Variants in ABRAXAS1 observed in about 807,000 individuals in gnomAD.
The protein encoded by ABRAXAS1 is abraxas 1, BRCA1 A complex subunit.
Under a neutral mutation model 38.4 loss-of-function variants are expected in ABRAXAS1, and 26 were observed. The ratio of observed to expected loss-of-function variants is 0.68; its 90% confidence interval spans 0.50 to 0.94. The LOEUF is 0.94. Ranked by LOEUF, ABRAXAS1 falls within the 40% of genes least tolerant of loss-of-function variation. The pLI is 0.00. For synonymous variants in ABRAXAS1, 144 were observed against 165.5 expected (o/e 0.87, Z 1.00); for missense variants, 438 against 481.9 (o/e 0.91, Z 0.85).
Position 83,461,052 on chromosome 4 carries a change from C to A in ABRAXAS1, c.*1417G>T, listed in dbSNP as rs749242864. On this transcript the variant is annotated 3_prime_UTR_variant, in exon 9 of 9. Transcript: ENST00000321945. ...TAATGGGTAAGAAAGAATACCTCAA[C>A]AACTGAATTGAGCTAGCTGAAATTT... The A allele has an allele frequency of 2.5e-5, 40 of 1,611,860 alleles. No homozygotes were observed. Among genetic ancestry groups the A allele is most frequent in the Non-Finnish European group, 3.3e-5 (39 of 1,178,438 alleles).
intron 7 of ABRAXAS1, 184 bp from the exon 8 acceptor site, chr4:83,463,792 C>T (rs990068778): frequency 2.6e-6 from 1 of 378,414 alleles, no homozygotes; most frequent in Non-Finnish European, 4.7e-6. Context: ...TATAAATAAG[C>T]CTTATAGGTT....
At chr4:83,475,866 A>G (rs1310772018) in intron 3 of ABRAXAS1, among the ~76,000 whole-genome samples, 1 of 152,204 alleles carries the variant, frequency 6.6e-6, no homozygotes, top group African/African-American at 2.4e-5. Context: ...TGTAGGACTA[A>G]GTGCAAGCAT....
Position 83,462,761 on chromosome 4 carries a change from TAGTTAC to T in ABRAXAS1, c.932_937del (p.Cys311_Asn312del), listed in dbSNP as rs1722179235. On this transcript the variant is annotated inframe_deletion, in exon 9 of 9. Coordinates refer to ENST00000321945, the MANE Select transcript of ABRAXAS1 (RefSeq NM_139076.3). ...GTCTACTACATCGAGATGGTGGTTG[TAGTTAC>T]AGCTACTTTTAGAAACATGTCTATT... The T allele has an allele frequency of 1.2e-6, 2 of 1,614,000 alleles. No homozygotes were observed. Among genetic ancestry groups the T allele is most frequent in the Non-Finnish European group, 1.7e-6 (2 of 1,179,982 alleles).
Position 83,460,932 on chromosome 4 carries a change from A to G in ABRAXAS1, c.*1537T>C. 1 of 1,561,418 alleles carries G rather than the reference A, an allele frequency of 6.4e-7. No individual in the cohort carries two copies. Among genetic ancestry groups the G allele is most frequent in the South Asian group, 1.2e-5 (1 of 84,556 alleles). ...AAAAAAAAAATTGCAAACTTTAAAT[A>G]TTGACATTTTTTATGAATAAGAAAG... On this transcript the variant is annotated 3_prime_UTR_variant, in exon 9 of 9. Transcript: ENST00000321945.
In ABRAXAS1 at chr4:83,460,534, T is replaced by C. The variant is rs569819099; in HGVS notation, c.*1935A>G. On this transcript the variant is annotated 3_prime_UTR_variant, in exon 9 of 9. Transcript: ENST00000321945. ...CAACAGCAGAGTTGAGTGGCAGTGA[T>C]GGAGACTGTATGGCCCACAAAACCT... is the stretch of plus-strand genomic sequence containing the variant. 4 of 183,238 alleles carry C rather than the reference T, an allele frequency of 2.2e-5. No homozygotes were observed. The South Asian group carries it at 4.5e-4, about 21-fold the overall frequency. 11.4% of individuals were successfully genotyped at this position (183,238 alleles called of 1,614,324 possible). A position where few individuals can be genotyped will look rare whatever the true frequency, so the allele number is the denominator to read the frequency against.
rs869128932 is a variant in ABRAXAS1, at chr4:83,471,191, CTTTTTTTTTTTTTT to C, written c.283-809_283-796del. Among the ~76,000 whole-genome samples, 136 of 58,198 alleles carry C rather than the reference CTTTTTTTTTTTTTT, an allele frequency of 2.3e-3. 1 individual carries two copies. The highest frequency in any genetic ancestry group is 0.022 in the Middle Eastern group (2 of 92). The allele number at this position is 58,198 out of a possible 152,430, so 38.2% of individuals were successfully genotyped here. ...CAAACATATTTGTTGAAAGAAACATCTTTTTTTTTTTTTTTTTTTTTTTTTTTTTTTTGAGACAG... is the reference window on the plus strand; with the variant it reads ...CAAACATATTTGTTGAAAGAAACATCTTTTTTTTTTTTTTTTTTGAGACAG... On this transcript the variant is annotated intron_variant, in intron 4 of 8. Transcript: ENST00000321945.
In ABRAXAS1 at chr4:83,463,477, AT is replaced by A. The variant is rs1560571274; in HGVS notation, c.796+16del. ...AAAATTTTTAGCACAGAAAGTAGAGATGTGTTGTTTACTTACTTGCTGCCTG... is the reference window on the plus strand; with the variant it reads ...AAAATTTTTAGCACAGAAAGTAGAGAGTGTTGTTTACTTACTTGCTGCCTG... On this transcript the variant is annotated intron_variant, in intron 8 of 8. Coordinates refer to ENST00000321945, the MANE Select transcript of ABRAXAS1 (RefSeq NM_139076.3). 2 of 1,494,010 alleles carry A rather than the reference AT, an allele frequency of 1.3e-6. No individual in the cohort carries two copies. Among genetic ancestry groups the A allele is most frequent in the Non-Finnish European group, 9.2e-7 (1 of 1,087,852 alleles). The allele number at this position is 1,494,010 out of a possible 1,614,324, so 92.5% of individuals were successfully genotyped here.
intron 4 of ABRAXAS1, among the ~76,000 whole-genome samples, chr4:83,471,985 GAT>G (rs1722605968): frequency 6.6e-6 from 1 of 152,144 alleles, no homozygotes; most frequent in African/African-American, 2.4e-5. Context: ...AAGAGAAAGA[GAT>G]AAATGTTAAT....
intron 4 of ABRAXAS1, among the ~76,000 whole-genome samples, chr4:83,470,788 C>T (rs1217490191): frequency 2.0e-5 from 3 of 152,142 alleles, no homozygotes; most frequent in Admixed American, 1.3e-4. Flanking sequence ...CCTGTATGGA[C>T]ACTTGGTTTG....
chr4:83,469,189 A>C, intron 5 of ABRAXAS1, 38 bp from the exon 6 acceptor site: 2 of 1,580,778 alleles, frequency 1.3e-6, no homozygotes, highest in Non-Finnish European at 1.7e-6. Flanking sequence ...ACTTAGAATG[A>C]AAAGAAAGAT....
chr4:83,467,589 A>G (rs779410113), intron 6 of ABRAXAS1, 51 bp from the exon 7 acceptor site: 1 of 901,016 alleles, frequency 1.1e-6, no homozygotes, highest in South Asian at 1.4e-5. Flanking sequence ...CATTTTAATG[A>G]TAAGGTGAAA....
intron 4 of ABRAXAS1, among the ~76,000 whole-genome samples, chr4:83,471,797 G>A (rs1244062064): frequency 6.6e-6 from 1 of 151,956 alleles, no homozygotes; most frequent in Non-Finnish European, 1.5e-5. Flanking sequence ...TTGAACCCAG[G>A]AGGTGCACGA....
At chr4:83,477,752 G>C in intron 2 of ABRAXAS1, 1 of 666,496 alleles carries the variant, frequency 1.5e-6, no homozygotes, top group Non-Finnish European at 2.9e-6. Context: ...AGGTGTATTG[G>C]CTCTGTATTC....
At chr4:83,465,020 G>C (rs1297064388) in intron 7 of ABRAXAS1, among the ~76,000 whole-genome samples, 1 of 152,068 alleles carries the variant, frequency 6.6e-6, no homozygotes, top group East Asian at 1.9e-4. Context: ...AAGAGGCCGG[G>C]CAAGGTGGCT....
At chr4:83,484,411 C>G (rs1215328588) in intron 1 of ABRAXAS1, among the ~76,000 whole-genome samples, 1 of 152,230 alleles carries the variant, frequency 6.6e-6, no homozygotes, top group African/African-American at 2.4e-5. Context: ...AGGCAACGTA[C>G]TTTTAAAAAC....
At chr4:83,475,578 A>G (rs1307681955) in intron 3 of ABRAXAS1, among the ~76,000 whole-genome samples, 1 of 152,006 alleles carries the variant, frequency 6.6e-6, no homozygotes, top group African/African-American at 2.4e-5. Flanking sequence ...CCAGTAGCTG[A>G]GACTACAGAA....
chr4:83,478,593 TTG>T (rs1435156261), intron 2 of ABRAXAS1, among the ~76,000 whole-genome samples: 12 of 152,342 alleles, frequency 7.9e-5, no homozygotes, highest in African/African-American at 2.9e-4. Context: ...ATTTATATGT[TTG>T]TGTTACCATG....
intron 2 of ABRAXAS1, 36 bp downstream of exon 2, chr4:83,482,118 C>T (rs112072468): frequency 2.1e-5 from 27 of 1,284,622 alleles, no homozygotes; most frequent in Non-Finnish European, 2.9e-5. Context: ...ATAGGAGACA[C>T]AGATGATTCA....
chr4:83,474,144 A>AAAATAAATAAATAAATAAATAAAT (rs71668653), intron 3 of ABRAXAS1, among the ~76,000 whole-genome samples: 2 of 141,940 alleles, frequency 1.4e-5, no homozygotes, highest in African/African-American at 5.3e-5. Flanking sequence ...CCTTGTCTAA[A>AAAATAAATAAATAAATAAATAAAT]AAATAAATAA....
Sources: gnomAD v4.1 joint callset for allele counts (sites outside exome capture counted in the v4.1 genomes callset) on GRCh38, gnomAD v4.1.1 for gene constraint, MANE v1.5 for transcripts, NCBI Gene and HGNC (gene_info 2026-07-23, HGNC 2026-07-21) for gene names.